Variants in PCLO observed in about 807,000 individuals in gnomAD.
The protein encoded by PCLO is piccolo presynaptic cytomatrix protein.
In PCLO, 82 loss-of-function variants were observed where a neutral mutation model predicts 427.5. That is an observed-to-expected ratio of 0.19 (90% CI 0.16 to 0.23). PCLO has a LOEUF of 0.23. Among genes scored for constraint, PCLO ranks in the 10% least tolerant of loss-of-function variants. PCLO has a pLI of 1.00. For missense variants in PCLO, 6,239 were observed against 6,115.9 expected (o/e 1.02, Z -0.67); for synonymous variants, 2,357 against 2,155.4 (o/e 1.09, Z -2.59).
chr7:83,047,051 T>C (rs992116546), intron 3 of PCLO, among the ~76,000 whole-genome samples: 4 of 151,998 alleles, frequency 2.6e-5, no homozygotes, highest in Non-Finnish European at 5.9e-5. Flanking sequence ...CACTCTACTA[T>C]GAATATAAAG....
Position 82,755,410 on chromosome 7 carries a change from T to C in PCLO, c.*3165A>G, listed in dbSNP as rs1039679200. 2 of 152,156 alleles carry C rather than the reference T, an allele frequency of 1.3e-5. No individual in the cohort carries two copies. The highest frequency in any genetic ancestry group is 2.9e-5 in the Non-Finnish European group (2 of 68,038). 9.4% of individuals were successfully genotyped at this position (152,156 alleles called of 1,614,324 possible). ...AACAGAGAAAACACCAACTTCGTGC[T>C]ACTAGGGTTATTTGTGTCTGTAATG... On this transcript the variant is annotated 3_prime_UTR_variant, in exon 25 of 25. Coordinates refer to ENST00000333891, the MANE Select transcript of PCLO (RefSeq NM_033026.6).
chr7:82,976,869 GTTTAT>G (rs1796028906), intron 3 of PCLO, among the ~76,000 whole-genome samples: 1 of 152,008 alleles, frequency 6.6e-6, no homozygotes, highest in African/African-American at 2.4e-5. Context: ...AATTATAATT[GTTTAT>G]TTTTTCTTTT....
intron 3 of PCLO, among the ~76,000 whole-genome samples, chr7:82,996,654 C>T (rs1460314648): frequency 6.6e-6 from 1 of 152,028 alleles, no homozygotes; most frequent in Non-Finnish European, 1.5e-5. Context: ...TTGATTTTCA[C>T]ATGGTTTCTT....
At chr7:82,864,177 T>C (rs1377609354) in intron 10 of PCLO, among the ~76,000 whole-genome samples, 1 of 152,126 alleles carries the variant, frequency 6.6e-6, no homozygotes, top group Non-Finnish European at 1.5e-5. Context: ...ATCTTAGATG[T>C]AAGTGCATAA....
chr7:82,896,756 T>C (rs1185307443), intron 9 of PCLO, among the ~76,000 whole-genome samples: 1 of 151,668 alleles, frequency 6.6e-6, no homozygotes, highest in Non-Finnish European at 1.5e-5. Context: ...TTTGTCTCTG[T>C]TTCTAAAAAC....
intron 3 of PCLO, among the ~76,000 whole-genome samples, chr7:83,034,263 AC>A (rs1421645363): frequency 6.6e-6 from 1 of 152,136 alleles, no homozygotes; most frequent in African/African-American, 2.4e-5. Context: ...ATCTCAGATC[AC>A]TGTAACCTCT....
intron 4 of PCLO, among the ~76,000 whole-genome samples, chr7:82,958,128 T>G (rs1270403435): frequency 4.6e-5 from 7 of 152,210 alleles, no homozygotes; most frequent in Admixed American, 4.6e-4. Context: ...AAGAGCATGC[T>G]ATAGCTCATT....
At chr7:82,917,038 A>G (rs1584150078) in intron 6 of PCLO, among the ~76,000 whole-genome samples, 165 bp from the exon 7 acceptor site, 2 of 152,206 alleles carry the variant, frequency 1.3e-5, no homozygotes, top group Admixed American at 6.5e-5. Context: ...GGTCACAAAT[A>G]CAATTAACTG....
intron 21 of PCLO, among the ~76,000 whole-genome samples, chr7:82,804,379 C>A (rs1208611666): frequency 6.6e-6 from 1 of 152,202 alleles, no homozygotes; most frequent in African/African-American, 2.4e-5. Context: ...AAAATGAACT[C>A]GTTTTTCACT....
At chr7:82,773,073 C>T (rs1367810986) in intron 22 of PCLO, among the ~76,000 whole-genome samples, 5 of 152,092 alleles carry the variant, frequency 3.3e-5, no homozygotes, top group Non-Finnish European at 7.4e-5. Context: ...AAGGTTGTTT[C>T]CTGAGTTCCG....
chr7:82,783,836 T>A (rs1790927660), intron 22 of PCLO, among the ~76,000 whole-genome samples: 1 of 151,572 alleles, frequency 6.6e-6, no homozygotes, highest in East Asian at 1.9e-4. Context: ...CCCAATTGCT[T>A]CTCTCTCTCT....
At chr7:83,151,003 G>T (rs921318745) in intron 2 of PCLO, among the ~76,000 whole-genome samples, 1 of 152,076 alleles carries the variant, frequency 6.6e-6, no homozygotes, top group Admixed American at 6.5e-5. Flanking sequence ...TGACAGAAGT[G>T]GTGGTTGTCC....
At chr7:82,965,254 T>C (rs1795737829) in intron 4 of PCLO, among the ~76,000 whole-genome samples, 1 of 151,896 alleles carries the variant, frequency 6.6e-6, no homozygotes, top group African/African-American at 2.4e-5. Flanking sequence ...AATTTTAGAA[T>C]GACTTTTGCT....
intron 3 of PCLO, among the ~76,000 whole-genome samples, chr7:83,075,082 T>A (rs1789916748): frequency 6.6e-6 from 1 of 152,096 alleles, no homozygotes; most frequent in Non-Finnish European, 1.5e-5. Context: ...GTATTTTGAG[T>A]CCCTTAGAGA....
chr7:83,161,518 C>G (rs187175078), intron 1 of PCLO, among the ~76,000 whole-genome samples: 1 of 152,304 alleles, frequency 6.6e-6, no homozygotes, highest in African/African-American at 2.4e-5. Context: ...TGGAGAGTTA[C>G]AGGCGGAAAT....
At chr7:82,911,436 C>T (rs1794317773) in intron 7 of PCLO, among the ~76,000 whole-genome samples, 1 of 150,354 alleles carries the variant, frequency 6.7e-6, no homozygotes, top group Non-Finnish European at 1.5e-5. Flanking sequence ...AGGAGACTAA[C>T]AGTATTTTTT....
intron 3 of PCLO, among the ~76,000 whole-genome samples, chr7:82,991,008 C>T (rs1313856575): frequency 6.6e-6 from 1 of 152,026 alleles, no homozygotes. Flanking sequence ...TACTCAAGTT[C>T]AGTAAAAAGT....
chr7:83,160,870 A>G (rs1792418314), intron 1 of PCLO, among the ~76,000 whole-genome samples: 1 of 152,176 alleles, frequency 6.6e-6, no homozygotes, highest in African/African-American at 2.4e-5. Flanking sequence ...AAAGGCTAAT[A>G]AAAGTATCAT....
chr7:83,143,528 A>C (rs1337991715), intron 2 of PCLO, among the ~76,000 whole-genome samples: 2 of 108,090 alleles, frequency 1.9e-5, no homozygotes, highest in African/African-American at 7.4e-5. Context: ...ACATAAACTA[A>C]ATATGCACTC....
Sources: gnomAD v4.1 joint callset for allele counts (sites outside exome capture counted in the v4.1 genomes callset) on GRCh38, gnomAD v4.1.1 for gene constraint, MANE v1.5 for transcripts, NCBI Gene and HGNC (gene_info 2026-07-23, HGNC 2026-07-21) for gene names.